Variants in FAM163A observed in about 807,000 individuals in gnomAD.
FAM163A encodes family with sequence similarity 163 member A.
In FAM163A, 7 loss-of-function variants were observed where a neutral mutation model predicts 12.0. That is an observed-to-expected ratio of 0.58 (90% CI 0.33 to 1.10). The LOEUF is 1.10. Among genes scored for constraint, FAM163A ranks in the 50% least tolerant of loss-of-function variants. FAM163A has a pLI of 0.03. For missense variants in FAM163A, 202 were observed against 218.6 expected (o/e 0.92, Z 0.48); for synonymous variants, 101 against 91.0 (o/e 1.11, Z -0.62).
chr1:179,813,833 G>C lies in FAM163A; in HGVS notation c.148G>C (p.Glu50Gln). The C allele has an allele frequency of 6.2e-7, 1 of 1,613,994 alleles. No individual in the cohort carries two copies. Among genetic ancestry groups the C allele is most frequent in the Non-Finnish European group, 8.5e-7 (1 of 1,180,016 alleles). Residue 50 changes from glutamate to glutamine, a missense_variant, in exon 5 of 5, where the codon GAG becomes CAG. Coordinates refer to ENST00000341785, the MANE Select transcript of FAM163A (RefSeq NM_173509.3). ...TEVADEEEER[E>Q]HDLPTHPRGP... ...GGTTGCAGACGAGGAGGAGGAGCGG[G>C]AGCACGACCTTCCCACGCATCCCAG... is the stretch of plus-strand genomic sequence containing the variant.
intron 1 of FAM163A, among the ~76,000 whole-genome samples, chr1:179,744,834 C>T (rs1684228381): frequency 6.6e-6 from 1 of 152,206 alleles, no homozygotes; most frequent in South Asian, 2.1e-4. Context: ...CCTGCTTGGT[C>T]CTCTAGCAGC....
intron 1 of FAM163A, among the ~76,000 whole-genome samples, chr1:179,794,599 A>T (rs1692004002): frequency 6.6e-6 from 1 of 152,188 alleles, no homozygotes; most frequent in Non-Finnish European, 1.5e-5. Flanking sequence ...TTTTAAAAAG[A>T]CAGTAATCCT....
intron 1 of FAM163A, among the ~76,000 whole-genome samples, chr1:179,758,781 C>T (rs934507302): frequency 6.6e-6 from 1 of 152,168 alleles, no homozygotes; most frequent in African/African-American, 2.4e-5. Context: ...TTGAATCCTC[C>T]ACCCCTGGGG....
rs539069767 is a variant in FAM163A at position 179,810,636 on chromosome 1, C to G, written c.-44-1474C>G. 7.2e-5 allele frequency among the ~76,000 whole-genome samples: 11 copies of G among 152,336 alleles called. No homozygotes were observed. The East Asian group carries it at 2.1e-3, about 29-fold the overall frequency. On this transcript the variant is annotated intron_variant, in intron 2 of 4. Coordinates refer to ENST00000341785, the MANE Select transcript of FAM163A (RefSeq NM_173509.3). The stretch of plus-strand genomic sequence containing the variant: ...TGGAGCATCTCCCCTCAGTCAGTAG[C>G]TGCCCCACTCTAGGTTCCGCAACTC...
intron 2 of FAM163A, among the ~76,000 whole-genome samples, chr1:179,810,694 CTG>C (rs757115473): frequency 2.5e-4 from 38 of 152,344 alleles, no homozygotes; most frequent in African/African-American, 8.7e-4. Context: ...GAGTCTCACA[CTG>C]TATCCTAAGG....
intron 1 of FAM163A, among the ~76,000 whole-genome samples, chr1:179,744,255 T>C (rs894563584): frequency 5.9e-5 from 9 of 152,034 alleles, no homozygotes; most frequent in African/African-American, 1.9e-4. Context: ...GCGACCGCAC[T>C]CCGATTCCAG....
intron 1 of FAM163A, among the ~76,000 whole-genome samples, chr1:179,767,974 C>A (rs1221960122): frequency 6.6e-6 from 1 of 152,128 alleles, no homozygotes; most frequent in African/African-American, 2.4e-5. Context: ...AAAATTAAAA[C>A]TCTGTAACCA....
intron 1 of FAM163A, among the ~76,000 whole-genome samples, chr1:179,757,313 G>A (rs1686163146): frequency 6.6e-6 from 1 of 152,340 alleles, no homozygotes; most frequent in South Asian, 2.1e-4. Context: ...TCTGAAAGGA[G>A]AAGAAAGCAG....
upstream of FAM163A, among the ~76,000 whole-genome samples, chr1:179,738,737 A>G (rs59852790): frequency 0.021 from 3,160 of 152,330 alleles, 109 homozygotes; most frequent in African/African-American, 0.073. Context: ...ATAATTAATC[A>G]TGAAAGACTG....
intron 1 of FAM163A, among the ~76,000 whole-genome samples, chr1:179,801,576 GA>G (rs1425985581): frequency 6.6e-6 from 1 of 152,208 alleles, no homozygotes; most frequent in East Asian, 1.9e-4. Flanking sequence ...ACCCTGTAGA[GA>G]AAGGTGTATT....
the FAM163A span, among the ~76,000 whole-genome samples, chr1:179,732,876 G>C: frequency 4.0e-5 from 2 of 50,250 alleles, no homozygotes; most frequent in Non-Finnish European, 6.9e-5. Context: ...GTGAGACTCT[G>C]CCTCAAAAAA....
chr1:179,794,178 A>G (rs1557955617), intron 1 of FAM163A, among the ~76,000 whole-genome samples: 1 of 152,196 alleles, frequency 6.6e-6, no homozygotes, highest in Non-Finnish European at 1.5e-5. Flanking sequence ...TCCCTAGCCC[A>G]TCAATTCAGG....
intron 2 of FAM163A, among the ~76,000 whole-genome samples, chr1:179,810,311 G>A (rs1274921019): frequency 6.6e-6 from 1 of 152,154 alleles, no homozygotes; most frequent in African/African-American, 2.4e-5. Context: ...AGGCTTCTCA[G>A]AACCTTGAAG....
chr1:179,766,152 C>T (rs939762332), intron 1 of FAM163A, among the ~76,000 whole-genome samples: 2 of 152,188 alleles, frequency 1.3e-5, no homozygotes, highest in East Asian at 3.8e-4. Flanking sequence ...CATTTTGCCC[C>T]AAGTCCAGCC....
At chr1:179,804,604 C>T (rs1038181189) in intron 1 of FAM163A, among the ~76,000 whole-genome samples, 1 of 152,214 alleles carries the variant, frequency 6.6e-6, no homozygotes, top group African/African-American at 2.4e-5. Context: ...TACATATACA[C>T]CATGGAATAC....
intron 1 of FAM163A, among the ~76,000 whole-genome samples, chr1:179,763,859 C>T (rs1687128199): frequency 6.6e-6 from 1 of 152,200 alleles, no homozygotes; most frequent in Non-Finnish European, 1.5e-5. Flanking sequence ...AGGAGAGTTT[C>T]TCTCCTAGAG....
At chr1:179,795,924 C>T (rs1193572850) in intron 1 of FAM163A, among the ~76,000 whole-genome samples, 1 of 129,008 alleles carries the variant, frequency 7.8e-6, no homozygotes, top group African/African-American at 3.5e-5. Flanking sequence ...TTCTTCCTTT[C>T]TCTGCCTATA....
intron 3 of FAM163A, 107 bp from the exon 4 acceptor site, chr1:179,812,969 T>C: frequency 9.6e-7 from 1 of 1,038,220 alleles, no homozygotes; most frequent in Non-Finnish European, 1.4e-6. Flanking sequence ...CACCTGCTGC[T>C]CTCAGGCCCC....
chr1:179,791,940 T>G (rs1362890266), intron 1 of FAM163A, among the ~76,000 whole-genome samples: 1 of 152,146 alleles, frequency 6.6e-6, no homozygotes, highest in Non-Finnish European at 1.5e-5. Flanking sequence ...TTTATTCCGA[T>G]GTCTTCCTGT....
Sources: allele counts gnomAD v4.1 joint callset (sites outside exome capture counted in the v4.1 genomes callset), GRCh38; gene constraint gnomAD v4.1.1; transcripts MANE v1.5; gene names NCBI Gene and HGNC (gene_info 2026-07-23, HGNC 2026-07-21).